PSME4: variants seen among roughly 807,000 people sequenced by gnomAD.
PSME4 encodes the protein proteasome activator complex subunit 4.
A neutral mutation model predicts 253.9 loss-of-function variants in PSME4; 89 were observed. That is an observed-to-expected ratio of 0.35 (90% CI 0.30 to 0.42). The LOEUF (loss-of-function observed/expected upper bound fraction) is 0.42, where lower values mean the gene tolerates loss of function less well. PSME4 is among the 10% of genes least tolerant of loss of function. The pLI is 1.00. For synonymous variants in PSME4, 851 were observed against 759.2 expected (o/e 1.12, Z -1.99); for missense variants, 2,014 against 2,195.2 (o/e 0.92, Z 1.65).
intron 40 of PSME4, 93 bp downstream of exon 40, chr2:53,887,166 A>AT: frequency 1.7e-6 from 2 of 1,166,090 alleles, no homozygotes; most frequent in Middle Eastern, 2.6e-4. Flanking sequence ...CATTATGTCT[A>AT]TTTTACCACA....
intron 41 of PSME4, among the ~76,000 whole-genome samples, chr2:53,882,201 T>TA (rs1345757223): frequency 6.6e-6 from 1 of 152,116 alleles, no homozygotes; most frequent in African/African-American, 2.4e-5. Flanking sequence ...ATTTATTCTA[T>TA]AAAAAATATG....
rs779683205 is a variant in PSME4 at position 53,899,941 on chromosome 2, C to T, written c.3362G>A (p.Ser1121Asn). The T allele has an allele frequency of 6.2e-7, 1 of 1,613,330 alleles. No homozygotes were observed. Among genetic ancestry groups the T allele is most frequent in the East Asian group, 2.2e-5 (1 of 44,858 alleles). The change falls in exon 29 of 47, where the codon AGC becomes AAC. Residue 1121 changes from serine to asparagine, a missense_variant. Physicochemically the swap from Ser to Asn is conservative, Grantham distance 46. Around this residue, in one of 4 missense-constraint regions of PSME4, gnomAD observed 989 missense variants for 1,021.1 expected, o/e 0.97. Transcript: ENST00000404125. ...KNPSINQILL[S>N]PEKIKEGIKR... The stretch of plus-strand genomic sequence containing the variant: ...AATTCCTTCCTTAATTTTTTCTGGG[C>T]TAAGCAATATCTGGTTGATAGAGGG...
At chr2:53,867,288 TGAGGTCAG>T (rs1413917513) in intron 44 of PSME4, among the ~76,000 whole-genome samples, 1 of 152,110 alleles carries the variant, frequency 6.6e-6, no homozygotes, top group African/African-American at 2.4e-5. Flanking sequence ...GTGGATGACC[TGAGGTCAG>T]GAGTTCAAGA....
intron 1 of PSME4, among the ~76,000 whole-genome samples, chr2:53,956,433 G>C (rs896745615): frequency 4.6e-5 from 7 of 151,762 alleles, no homozygotes; most frequent in Non-Finnish European, 8.8e-5. Flanking sequence ...GGGGGGCTGA[G>C]GCAGGAGAAT....
intron 1 of PSME4, among the ~76,000 whole-genome samples, chr2:53,961,117 A>C (rs573917265): frequency 3.2e-4 from 48 of 152,206 alleles, no homozygotes; most frequent in African/African-American, 1.0e-3. Context: ...AAAGAAAGAG[A>C]GAGAAGAAAT....
At chr2:53,918,394 C>G (rs1057363862) in intron 20 of PSME4, among the ~76,000 whole-genome samples, 3 of 152,040 alleles carry the variant, frequency 2.0e-5, no homozygotes, top group Non-Finnish European at 2.9e-5. Context: ...CACTCTATTG[C>G]CCAGGCTAGA....
Position 53,927,118 on chromosome 2 carries a change from T to C in PSME4, c.1593+276A>G, listed in dbSNP as rs80193478. On this transcript the variant is annotated intron_variant, in intron 12 of 46. Transcript: ENST00000404125. Reference sequence around the variant, plus strand: ...ATGATAGAAAAATAAAATATCACCATCTTTTGCTTAACAAAACATTGAAAA... The same window carrying C: ...ATGATAGAAAAATAAAATATCACCACCTTTTGCTTAACAAAACATTGAAAA... 8.6e-3 allele frequency among the ~76,000 whole-genome samples: 1,313 copies of C among 152,328 alleles called. 19 individuals are homozygous for C. Among genetic ancestry groups the C allele is most frequent in the African/African-American group, 0.03 (1,260 of 41,564 alleles).
At chr2:53,879,186 A>G (rs1398334555) in intron 41 of PSME4, among the ~76,000 whole-genome samples, 2 of 150,586 alleles carry the variant, frequency 1.3e-5, no homozygotes, top group African/African-American at 4.9e-5. Context: ...TCCTACCTCA[A>G]AGATATACTG....
At chr2:53,915,069 C>T (rs1211747759) in intron 20 of PSME4, among the ~76,000 whole-genome samples, 1 of 152,108 alleles carries the variant, frequency 6.6e-6, no homozygotes, top group African/African-American at 2.4e-5. Flanking sequence ...CTTCCCTGAA[C>T]AATGAGATTT....
chr2:53,920,268 T>C lies in PSME4; in HGVS notation c.2345A>G (p.Tyr782Cys), dbSNP rs1668238517. Residue 782 changes from tyrosine (Y) to cysteine (C), a missense_variant, in exon 19 of 47, where the codon TAT (tyrosine) becomes TGT (cysteine). Physicochemically the swap from Tyr to Cys is radical, Grantham distance 194. This residue lies in a region of PSME4 where 989 missense variants were observed against 1,021.1 expected (regional missense o/e 0.97). Transcript: ENST00000404125. ...AGGCTGAAGAAAGGAGTCCAAAAGA[T>C]AAAAGGCAAAAGACACTTCTTCTGA... ...PSSEEVSFAF[Y>C]LLDSFLQPEL... The C allele has an allele frequency of 6.2e-7, 1 of 1,613,732 alleles. No individual in the cohort carries two copies. The highest frequency in any genetic ancestry group is 8.5e-7 in the Non-Finnish European group (1 of 1,179,812).
rs770526270 is a variant in PSME4 at position 53,897,922 on chromosome 2, G to A, written c.3554C>T (p.Ala1185Val). Residue 1185 changes from alanine to valine, a missense_variant, in exon 31 of 47, where the codon GCC (alanine) becomes GTC (valine). Ala to Val is a moderately conservative substitution (Grantham distance 64). Coordinates refer to ENST00000404125, the MANE Select transcript of PSME4 (RefSeq NM_014614.3). The part of the protein sequence containing the change: ...LRDDRVLPLR[A>V]IRFFVENLNH... ...GAGATTCTCAACAAAAAACCGTATG[G>A]CACGAAGAGGCAACACTCGGTCATC... 6.2e-7 allele frequency: 1 copy of A among 1,613,096 alleles called. No homozygotes were observed. Among genetic ancestry groups the A allele is most frequent in the South Asian group, 1.1e-5 (1 of 91,048 alleles).
At chr2:53,967,523 T>C (rs1670793137) in intron 1 of PSME4, among the ~76,000 whole-genome samples, 1 of 151,324 alleles carries the variant, frequency 6.6e-6, no homozygotes, top group African/African-American at 2.4e-5. Context: ...ACAACTGTAA[T>C]CCCAGCTACT....
chr2:53,889,963 A>C (rs1467621454), intron 37 of PSME4, 141 bp downstream of exon 37: 6 of 667,326 alleles, frequency 9.0e-6, no homozygotes, highest in Non-Finnish European at 1.5e-5. Context: ...CTCTAATCCC[A>C]TGGAAATAAA....
chr2:53,920,459 T>C, intron 18 of PSME4, 109 bp from the exon 19 acceptor site: 1 of 1,129,252 alleles, frequency 8.9e-7, no homozygotes. Context: ...GTACACATAA[T>C]CCAAACCTAA....
chr2:53,917,570 T>G (rs958637481), intron 20 of PSME4, among the ~76,000 whole-genome samples: 5 of 152,170 alleles, frequency 3.3e-5, no homozygotes, highest in Non-Finnish European at 7.3e-5. Context: ...TCCTAATGAT[T>G]ACTCAGTACT....
intron 1 of PSME4, among the ~76,000 whole-genome samples, chr2:53,960,431 C>T (rs920354058): frequency 6.0e-5 from 9 of 149,764 alleles, no homozygotes; most frequent in African/African-American, 2.2e-4. Flanking sequence ...CAGGAGACAG[C>T]TCTAGCTAGA....
chr2:53,897,846 CTG>C, intron 31 of PSME4, 22 bp downstream of exon 31: 1 of 1,609,186 alleles, frequency 6.2e-7, no homozygotes, highest in South Asian at 1.1e-5. Flanking sequence ...AAACCCAAGA[CTG>C]TAGCTAAAAC....
At chr2:53,940,864 A>T (rs1669361105) in intron 3 of PSME4, among the ~76,000 whole-genome samples, 1 of 143,350 alleles carries the variant, frequency 7.0e-6, no homozygotes, top group Admixed American at 7.3e-5. Context: ...TATATATATA[A>T]TATATATTTA....
At chr2:53,969,689 T>C (rs1220122218) in intron 1 of PSME4, among the ~76,000 whole-genome samples, 1 of 109,808 alleles carries the variant, frequency 9.1e-6, no homozygotes, top group Non-Finnish European at 1.8e-5. Flanking sequence ...TTTCACTCGT[T>C]TTTTTTTTTT....
Sources: allele counts gnomAD v4.1 joint callset (sites outside exome capture counted in the v4.1 genomes callset), GRCh38; gene constraint gnomAD v4.1.1; regional missense constraint gnomAD v4.1.1; transcripts MANE v1.5; gene names NCBI Gene and HGNC (gene_info 2026-07-23, HGNC 2026-07-21).